SSPN: variants seen among roughly 807,000 people sequenced by gnomAD.
The protein encoded by SSPN is K-ras oncogene-associated protein.
Under a neutral mutation model 19.1 loss-of-function variants are expected in SSPN, and 15 were observed. That is an observed-to-expected ratio of 0.78 (90% CI 0.52 to 1.21). The LOEUF is 1.21. Among genes scored for constraint, SSPN ranks in the 50% most tolerant of loss-of-function variants. The pLI is 0.00. For synonymous variants in SSPN, 147 were observed against 140.3 expected (o/e 1.05, Z -0.34); for missense variants, 291 against 314.0 (o/e 0.93, Z 0.55).
intron 1 of SSPN, among the ~76,000 whole-genome samples, chr12:26,159,613 A>T (rs1308449399): frequency 6.6e-6 from 1 of 152,220 alleles, no homozygotes; most frequent in Admixed American, 6.5e-5. Flanking sequence ...GTAGAATTCA[A>T]TCTGCACCCA....
intron 1 of SSPN, among the ~76,000 whole-genome samples, chr12:26,130,949 G>A (rs545452322): frequency 1.2e-4 from 18 of 151,352 alleles, no homozygotes; most frequent in African/African-American, 4.1e-4. Flanking sequence ...CCCATTACAA[G>A]AGGTTACAAA....
In SSPN at chr12:26,231,320, A is replaced by T; in HGVS notation, c.*244A>T. The T allele has an allele frequency of 2.1e-6, 1 of 478,126 alleles. No individual in the cohort carries two copies. The highest frequency in any genetic ancestry group is 3.5e-6 in the Non-Finnish European group (1 of 285,064). 29.6% of individuals were successfully genotyped at this position (478,126 alleles called of 1,614,324 possible). A position where few individuals can be genotyped will look rare whatever the true frequency, so the allele number is the denominator to read the frequency against. The stretch of plus-strand genomic sequence containing the variant: ...TTGGGATATTAAAAGTTAACAGAAC[A>T]CTGAACAAGGAAAGAATGGCATAGA... On this transcript the variant is annotated 3_prime_UTR_variant, in exon 3 of 3. Transcript: ENST00000242729.
Position 26,124,376 on chromosome 12 carries a change from A to G in SSPN, c.-31+2224A>G, listed in dbSNP as rs1257203283. ...GTATGATGTTTAATATCCCCCTGAG[A>G]GTACCCAGCAAGCCACTTAAAATTC... On this transcript the variant is annotated intron_variant, in intron 1 of 2. Coordinates refer to the SSPN transcript ENST00000538142. The G allele has an allele frequency of 4.3e-6, 4 of 938,670 alleles. No homozygotes were observed. In the African/African-American group the frequency reaches 6.6e-5, roughly 15 times the overall value. 58.1% of individuals were successfully genotyped at this position (938,670 alleles called of 1,614,324 possible). A position where few individuals can be genotyped will look rare whatever the true frequency, so the allele number is the denominator to read the frequency against.
chr12:26,209,615 A>G (rs964441402), intron 1 of SSPN, among the ~76,000 whole-genome samples: 2 of 151,122 alleles, frequency 1.3e-5, no homozygotes, highest in Admixed American at 6.7e-5. Context: ...TTAATTTTTC[A>G]TTCTAGAACT....
At chr12:26,205,402 G>A (rs563675467) in intron 1 of SSPN, among the ~76,000 whole-genome samples, 2 of 152,300 alleles carry the variant, frequency 1.3e-5, no homozygotes, top group East Asian at 1.9e-4. Flanking sequence ...AGACTTTGAC[G>A]AGCGAGAGAA....
At chr12:26,156,129 G>T (rs1246384684) in intron 1 of SSPN, among the ~76,000 whole-genome samples, 1 of 152,070 alleles carries the variant, frequency 6.6e-6, no homozygotes, top group Non-Finnish European at 1.5e-5. Context: ...ATATTTTTTG[G>T]CCACCTTATG....
chr12:26,185,188 C>T (rs138333139), intron 1 of SSPN, among the ~76,000 whole-genome samples: 1 of 152,296 alleles, frequency 6.6e-6, no homozygotes, highest in East Asian at 1.9e-4. Flanking sequence ...TATGGGCTGC[C>T]TGTATAGCAT....
intron 1 of SSPN, among the ~76,000 whole-genome samples, chr12:26,150,150 C>T (rs10734754): frequency 0.79 from 120,640 of 152,170 alleles, 52,570 homozygotes; most frequent in Non-Finnish European, 0.96. Flanking sequence ...AAGGCCAAGC[C>T]GACATTAGCC....
At chr12:26,170,938 T>C (rs1944650293) in intron 1 of SSPN, among the ~76,000 whole-genome samples, 4 of 152,216 alleles carry the variant, frequency 2.6e-5, no homozygotes, top group Admixed American at 2.6e-4. Context: ...TTCACCATCA[T>C]AGTAACTCTA....
intron 1 of SSPN, chr12:26,124,574 T>G: frequency 6.2e-7 from 1 of 1,614,180 alleles, no homozygotes; most frequent in Non-Finnish European, 8.5e-7. Flanking sequence ...CAAAGAGGAA[T>G]AGTCCAGTCT....
In SSPN at chr12:26,234,183, G is replaced by T. The variant is rs759852753; in HGVS notation, c.*3107G>T. The T allele has an allele frequency of 2.0e-5, 3 of 152,150 alleles. No homozygotes were observed. The highest frequency in any genetic ancestry group is 4.4e-5 in the Non-Finnish European group (3 of 68,028). 9.4% of individuals were successfully genotyped at this position (152,150 alleles called of 1,614,324 possible). A position where few individuals can be genotyped will look rare whatever the true frequency, so the allele number is the denominator to read the frequency against. On this transcript the variant is annotated 3_prime_UTR_variant, in exon 3 of 3. Transcript: ENST00000242729. ...TATTCTTATACTTCCCTTTTTGCAT[G>T]CAGTATGTCTGGAATATGTTTATAA...
chr12:26,184,568 C>A (rs1944740007), intron 1 of SSPN, among the ~76,000 whole-genome samples: 1 of 152,046 alleles, frequency 6.6e-6, no homozygotes, highest in Non-Finnish European at 1.5e-5. Context: ...CTGTGGACTC[C>A]CTTTTTGGAT....
chr12:26,180,371 CAG>C (rs1477559465), intron 1 of SSPN: 3 of 152,122 alleles, frequency 2.0e-5, no homozygotes, highest in Non-Finnish European at 1.5e-5. Context: ...TCACGATGAA[CAG>C]AGTGTCCTGA....
At chr12:26,170,077 G>A (rs1432937484) in intron 1 of SSPN, among the ~76,000 whole-genome samples, 1 of 152,116 alleles carries the variant, frequency 6.6e-6, no homozygotes, top group African/African-American at 2.4e-5. Context: ...GCAAAGGAAT[G>A]GACAGGACTA....
At chr12:26,174,369 A>G (rs924551706) in intron 1 of SSPN, among the ~76,000 whole-genome samples, 10 of 152,034 alleles carry the variant, frequency 6.6e-5, no homozygotes, top group African/African-American at 4.8e-5. Flanking sequence ...CATGTAATAC[A>G]CTGCACATAT....
chr12:26,151,197 A>G (rs76437556), intron 1 of SSPN, among the ~76,000 whole-genome samples: 4 of 12,620 alleles, frequency 3.2e-4, no homozygotes, highest in African/African-American at 1.7e-4. Context: ...TTTTCTTGGA[A>G]AAAAAAAATT....
chr12:26,137,051 C>G (rs1944429522), intron 1 of SSPN, among the ~76,000 whole-genome samples: 1 of 152,200 alleles, frequency 6.6e-6, no homozygotes, highest in Admixed American at 6.5e-5. Context: ...CTAATAAAAG[C>G]AAGACTTTTA....
At chr12:26,171,835 C>T (rs550395862) in intron 1 of SSPN, among the ~76,000 whole-genome samples, 1 of 152,084 alleles carries the variant, frequency 6.6e-6, no homozygotes, top group African/African-American at 2.4e-5. Context: ...TAAAACCTAA[C>T]TTTTTGGGAC....
At position 26,195,641 on chromosome 12, in the gene SSPN, G is replaced by GCTCCCCCCCCCCCCC; in HGVS notation, c.-31_-30insTCCCCCCCCCCCCCC. ...CTCCAGGGCCCAGGGCGCCGCACACGCACCCACCCACCCACCCAGCCTCGC... is the reference window on the plus strand; with the variant it reads ...CTCCAGGGCCCAGGGCGCCGCACACGCTCCCCCCCCCCCCCCACCCACCCACCCACCCAGCCTCGC... On this transcript the variant is annotated 5_prime_UTR_variant, in exon 1 of 3. Transcript: ENST00000242729. 9.0e-7 allele frequency: 1 copy of GCTCCCCCCCCCCCCC among 1,105,396 alleles called. No homozygotes were observed. Among genetic ancestry groups the GCTCCCCCCCCCCCCC allele is most frequent in the Non-Finnish European group, 1.1e-6 (1 of 878,114 alleles). The allele number at this position is 1,105,396 out of a possible 1,614,324, so 68.5% of individuals were successfully genotyped here. A position where few individuals can be genotyped will look rare whatever the true frequency, so the allele number is the denominator to read the frequency against.
Sources: allele counts gnomAD v4.1 joint callset (sites outside exome capture counted in the v4.1 genomes callset), GRCh38; gene constraint gnomAD v4.1.1; transcripts MANE v1.5; gene names NCBI Gene and HGNC (gene_info 2026-07-23, HGNC 2026-07-21).